SLC33A1: variants seen among roughly 807,000 people sequenced by gnomAD.
SLC33A1 encodes the protein acetyl-coenzyme A transporter 1.
A neutral mutation model predicts 50.0 loss-of-function variants in SLC33A1; 20 were observed. The observed-to-expected ratio is 0.40, with a 90% CI of 0.28 to 0.58. The LOEUF (loss-of-function observed/expected upper bound fraction) is 0.58, where lower values mean the gene tolerates loss of function less well. SLC33A1 is among the 20% of genes least tolerant of loss of function. The probability of loss-of-function intolerance (pLI) is 0.44; values close to 1 mark genes in which losing one functional copy is unlikely to be tolerated. For synonymous variants in SLC33A1, 265 were observed against 251.8 expected (o/e 1.05, Z -0.50); for missense variants, 476 against 657.0 (o/e 0.72, Z 3.01).
intron 2 of SLC33A1, among the ~76,000 whole-genome samples, chr3:155,834,351 A>G (rs941082813): frequency 3.3e-5 from 5 of 152,188 alleles, no homozygotes; most frequent in African/African-American, 1.2e-4. Flanking sequence ...CAAAAATCCA[A>G]ATTTACCAAT....
chr3:155,852,526 G>A (rs1006898410), intron 1 of SLC33A1, among the ~76,000 whole-genome samples: 2 of 152,188 alleles, frequency 1.3e-5, no homozygotes, highest in Admixed American at 1.3e-4. Context: ...GCAATGTCCT[G>A]TACTTTTTTG....
chr3:155,850,091 C>A (rs1300674000), intron 1 of SLC33A1, among the ~76,000 whole-genome samples: 2 of 151,496 alleles, frequency 1.3e-5, no homozygotes, highest in African/African-American at 4.8e-5. Flanking sequence ...TCACTGCAAC[C>A]TCCGCCTCCC....
chr3:155,832,864 T>C (rs1370931969), intron 4 of SLC33A1, among the ~76,000 whole-genome samples: 1 of 152,072 alleles, frequency 6.6e-6, no homozygotes, highest in East Asian at 1.9e-4. Flanking sequence ...TGAGAAATAT[T>C]TAGCAAGAGT....
At chr3:155,838,680 C>CAA (rs539049380) in intron 2 of SLC33A1, among the ~76,000 whole-genome samples, 2,404 of 65,726 alleles carry the variant, frequency 0.037, 91 homozygotes, top group African/African-American at 0.12. Flanking sequence ...GACTCTGTCT[C>CAA]AAAAAAAAAA....
chr3:155,846,602 C>T (rs776977451), intron 1 of SLC33A1, among the ~76,000 whole-genome samples: 5 of 151,982 alleles, frequency 3.3e-5, no homozygotes, highest in African/African-American at 4.8e-5. Flanking sequence ...TATAGGCATG[C>T]ACCACTACCC....
At position 155,833,868 on chromosome 3, in the gene SLC33A1, G is replaced by A; in HGVS notation, c.1137C>T (p.Ala379=). The change falls in exon 3 of 6, where the codon GCC becomes GCT. Residue 379 remains alanine, a synonymous_variant. Coordinates refer to ENST00000643144, the MANE Select transcript of SLC33A1 (RefSeq NM_004733.4). ...TATTTCATTTTTACCTGTAGGGCAT[G>A]GCTTTGTAAAATGTGTTTAATGGCT... is the stretch of plus-strand genomic sequence containing the variant. The part of the protein sequence containing the change: ...GPQPLNTFYK[A]MPYRLLLGLE... 3.7e-6 allele frequency: 6 copies of A among 1,613,032 alleles called. No homozygotes were observed. The highest frequency in any genetic ancestry group is 5.1e-6 in the Non-Finnish European group (6 of 1,179,268).
chr3:155,844,438 T>G (rs1753052074), intron 1 of SLC33A1, among the ~76,000 whole-genome samples: 6 of 6,808 alleles, frequency 8.8e-4, no homozygotes, highest in African/African-American at 2.6e-3. Flanking sequence ...TATATATATA[T>G]ATATATATAT....
intron 4 of SLC33A1, among the ~76,000 whole-genome samples, chr3:155,831,448 ACT>A (rs1752428192): frequency 8.9e-6 from 1 of 112,332 alleles, no homozygotes; most frequent in South Asian, 3.5e-4. Context: ...ACAGAGTGAG[ACT>A]CTGTCTCAAA....
At chr3:155,846,389 A>G (rs1026874440) in intron 1 of SLC33A1, among the ~76,000 whole-genome samples, 3 of 152,060 alleles carry the variant, frequency 2.0e-5, no homozygotes, top group African/African-American at 7.2e-5. Context: ...GACACCACTG[A>G]GAAAAAAGGT....
intron 2 of SLC33A1, among the ~76,000 whole-genome samples, chr3:155,838,946 AG>A (rs1752814278): frequency 6.6e-6 from 1 of 151,842 alleles, no homozygotes; most frequent in African/African-American, 2.4e-5. Context: ...TGAGGTCAGT[AG>A]TTCAAGACCA....
At chr3:155,844,778 T>C (rs892056833) in intron 1 of SLC33A1, 1 of 151,966 alleles carries the variant, frequency 6.6e-6, no homozygotes, top group Non-Finnish European at 1.5e-5. Context: ...TAAAATAACA[T>C]CTTAACATAA....
At chr3:155,848,116 G>A (rs1403644148) in intron 1 of SLC33A1, among the ~76,000 whole-genome samples, 1 of 152,146 alleles carries the variant, frequency 6.6e-6, no homozygotes, top group Non-Finnish European at 1.5e-5. Flanking sequence ...GACAGATAGA[G>A]AGATGATAGA....
chr3:155,847,758 A>ATAAATAAG (rs1277636542), intron 1 of SLC33A1, among the ~76,000 whole-genome samples: 20 of 150,632 alleles, frequency 1.3e-4, no homozygotes, highest in African/African-American at 4.9e-4. Flanking sequence ...CAAAAAATAA[A>ATAAATAAG]TAAATAAATA....
Position 155,853,788 on chromosome 3 carries a change from G to C in SLC33A1, c.210C>G (p.Ala70=). ...DFLKAPQSFR[A]ELSSILLLLF... ...GTAGTAGCAAAATGCTGCTTAGTTC[G>C]GCCCGGAAGCTCTGTGGGGCTTTTA... The change falls in exon 1 of 6, where the codon GCC becomes GCG. Residue 70 remains alanine (A), a synonymous_variant. Coordinates refer to ENST00000643144, the MANE Select transcript of SLC33A1 (RefSeq NM_004733.4). 1 of 1,613,460 alleles carries C rather than the reference G, an allele frequency of 6.2e-7. No individual in the cohort carries two copies. The highest frequency in any genetic ancestry group is 8.5e-7 in the Non-Finnish European group (1 of 1,179,738).
At chr3:155,843,641 C>T (rs1753012182) in intron 1 of SLC33A1, among the ~76,000 whole-genome samples, 1 of 152,100 alleles carries the variant, frequency 6.6e-6, no homozygotes, top group Non-Finnish European at 1.5e-5. Context: ...CAAAAATATG[C>T]TAAGCATTTT....
At chr3:155,843,862 C>A (rs1483285886) in intron 1 of SLC33A1, among the ~76,000 whole-genome samples, 1 of 152,142 alleles carries the variant, frequency 6.6e-6, no homozygotes, top group Non-Finnish European at 1.5e-5. Flanking sequence ...TTTCAGTTTG[C>A]CACTAGAAAA....
rs189333397 is a variant in SLC33A1, at chr3:155,836,232, C to T, written c.964-2191G>A. Reference sequence around the variant, plus strand: ...CTGGGAGGTGGAAGTTGCAGTGAGCCAAGATCGCGCCACTGCACTCCAGCC... The same window carrying T: ...CTGGGAGGTGGAAGTTGCAGTGAGCTAAGATCGCGCCACTGCACTCCAGCC... On this transcript the variant is annotated intron_variant, in intron 2 of 5. Transcript: ENST00000643144. Among the ~76,000 whole-genome samples, 564 of 121,996 alleles carry T rather than the reference C, an allele frequency of 4.6e-3. 5 individuals are homozygous for T. The highest frequency in any genetic ancestry group is 6.8e-3 in the Non-Finnish European group (430 of 62,912). 80.0% of individuals were successfully genotyped at this position (121,996 alleles called of 152,430 possible).
chr3:155,836,959 G>A (rs1438300366), intron 2 of SLC33A1, among the ~76,000 whole-genome samples: 2 of 152,090 alleles, frequency 1.3e-5, no homozygotes, highest in African/African-American at 4.8e-5. Flanking sequence ...ATATTCAAAT[G>A]GTCAATAATC....
chr3:155,831,683 C>T (rs1214919562), intron 4 of SLC33A1, among the ~76,000 whole-genome samples: 1 of 151,754 alleles, frequency 6.6e-6, no homozygotes, highest in Non-Finnish European at 1.5e-5. Context: ...TATAACATAC[C>T]GACAGAAATA....
Sources: allele counts gnomAD v4.1 joint callset (sites outside exome capture counted in the v4.1 genomes callset), GRCh38; gene constraint gnomAD v4.1.1; transcripts MANE v1.5; gene names NCBI Gene and HGNC (gene_info 2026-07-23, HGNC 2026-07-21).